ZNF248: variants seen among roughly 807,000 people sequenced by gnomAD.
ZNF248 encodes the protein zinc finger protein 248, also known as KRAB protein domain.
A neutral mutation model predicts 44.3 loss-of-function variants in ZNF248; 20 were observed. The observed-to-expected ratio is 0.45, with a 90% CI of 0.32 to 0.66. The LOEUF (loss-of-function observed/expected upper bound fraction) is 0.66. Among genes scored for constraint, ZNF248 ranks in the 30% least tolerant of loss-of-function variants. The pLI, the probability that ZNF248 is intolerant of heterozygous loss-of-function variation, is 0.04. For synonymous variants in ZNF248, 224 were observed against 229.0 expected, an observed-to-expected ratio of 0.98 and a Z score of 0.20; for missense variants, 654 against 677.0, an observed-to-expected ratio of 0.97 and a Z score of 0.38.
intron 6 of ZNF248, among the ~76,000 whole-genome samples, chr10:37,778,293 T>C (rs2046843025): frequency 6.6e-6 from 1 of 152,094 alleles, no homozygotes; most frequent in African/African-American, 2.4e-5. Context: ...CCAGTGATGA[T>C]GAGCATTTTT....
At chr10:37,777,535 CTTT>C (rs368150075) in intron 6 of ZNF248, among the ~76,000 whole-genome samples, 17,984 of 138,140 alleles carry the variant, frequency 0.13, 1,230 homozygotes, top group Admixed American at 0.21. Context: ...GTCTTCGACT[CTTT>C]TTTTTTTTTT....
At chr10:37,793,135 C>T (rs188870773) in intron 6 of ZNF248, among the ~76,000 whole-genome samples, 219 of 152,134 alleles carry the variant, frequency 1.4e-3, no homozygotes, top group Admixed American at 3.9e-3. Context: ...AGATCAAGAC[C>T]GGTTTGGCCA....
At chr10:37,769,334 G>A in the ZNF248 span, among the ~76,000 whole-genome samples, 1 of 152,126 alleles carries the variant, frequency 6.6e-6, no homozygotes, top group Non-Finnish European at 1.5e-5. Flanking sequence ...GAGAATTTTA[G>A]ACCAATATCC....
In ZNF248 at chr10:37,808,850, C is replaced by G. The variant is rs117068643; in HGVS notation, c.330+24175G>C. ...GAATTCACCAAGGAAGGCATCACGT[C>G]TGGGGCATTTCTTTGTCAAGAGTTT... On this transcript the variant is annotated intron_variant, in intron 6 of 6. Transcript: ENST00000615949. Among the ~76,000 whole-genome samples the G allele has an allele frequency of 9.4e-3, 1,418 of 151,516 alleles. 8 individuals carry two copies. The highest frequency in any genetic ancestry group is 0.02 in the Middle Eastern group (6 of 294).
At chr10:37,767,652 T>A in the ZNF248 span, among the ~76,000 whole-genome samples, 2 of 152,054 alleles carry the variant, frequency 1.3e-5, no homozygotes, top group African/African-American at 4.8e-5. Context: ...AACAACCAGT[T>A]CCAGCCACTG....
chr10:37,798,119 T>C (rs998587890), intron 6 of ZNF248, among the ~76,000 whole-genome samples: 3 of 152,230 alleles, frequency 2.0e-5, no homozygotes, highest in Non-Finnish European at 4.4e-5. Context: ...TACAATGTAA[T>C]ACAACACAGC....
intron 6 of ZNF248, among the ~76,000 whole-genome samples, chr10:37,808,671 C>A (rs1460398247): frequency 6.6e-6 from 1 of 152,150 alleles, no homozygotes; most frequent in Non-Finnish European, 1.5e-5. Context: ...AGGGATATTA[C>A]TGTGCAGTTT....
At chr10:37,777,271 A>G (rs2046682342) in intron 6 of ZNF248, among the ~76,000 whole-genome samples, 1 of 152,220 alleles carries the variant, frequency 6.6e-6, no homozygotes, top group African/African-American at 2.4e-5. Context: ...TATGTAAAAC[A>G]GCTGAACTTC....
At chr10:37,791,585 G>A (rs1482273944) in intron 6 of ZNF248, 1 of 152,084 alleles carries the variant, frequency 6.6e-6, no homozygotes, top group Admixed American at 6.5e-5. Context: ...CAGGGAAGTG[G>A]GAGACAGATG....
rs377448630 is a variant in ZNF248 at position 37,781,248 on chromosome 10, G to C, written c.331-4673C>G. On this transcript the variant is annotated intron_variant, in intron 6 of 6. Coordinates refer to the ZNF248 transcript ENST00000615949. ...TCTGTTGATGCCAACGATATTCATTGTGAAGGGTCCTTTTCCATGGGAGCC... is the reference window on the plus strand; with the variant it reads ...TCTGTTGATGCCAACGATATTCATTCTGAAGGGTCCTTTTCCATGGGAGCC... Among the ~76,000 whole-genome samples, 15 of 152,268 alleles carry C rather than the reference G, an allele frequency of 9.9e-5. No individual in the cohort carries two copies. The South Asian group carries it at 3.1e-3, about 32-fold the overall frequency.
intron 3 of ZNF248, among the ~76,000 whole-genome samples, chr10:37,846,716 A>C (rs544098343): frequency 2.0e-5 from 3 of 152,296 alleles, no homozygotes; most frequent in East Asian, 3.9e-4. Context: ...TACACAACAC[A>C]ATCTATGATA....
At chr10:37,812,945 G>A (rs564394743) in intron 6 of ZNF248, among the ~76,000 whole-genome samples, 26 of 151,224 alleles carry the variant, frequency 1.7e-4, no homozygotes, top group African/African-American at 6.0e-4. Flanking sequence ...AACTATATCC[G>A]GATGTTGTAT....
chr10:37,857,992 C>G (rs2135163833), upstream of ZNF248: 1 of 152,462 alleles, frequency 6.6e-6, no homozygotes, highest in South Asian at 2.1e-4. Flanking sequence ...TCGCCCAGTG[C>G]TCCGGGGCTC....
intron 6 of ZNF248, among the ~76,000 whole-genome samples, chr10:37,777,456 C>A (rs2046709980): frequency 6.6e-6 from 1 of 152,222 alleles, no homozygotes; most frequent in East Asian, 1.9e-4. Context: ...GGCTTCCAGC[C>A]CAATGCGTCT....
intron 6 of ZNF248, among the ~76,000 whole-genome samples, chr10:37,809,565 A>C (rs1012856283): frequency 2.6e-5 from 4 of 152,256 alleles, no homozygotes; most frequent in African/African-American, 9.6e-5. Context: ...GGCATAAGCC[A>C]CTGCTCCCAG....
chr10:37,766,684 T>C, the ZNF248 span, among the ~76,000 whole-genome samples: 14 of 151,410 alleles, frequency 9.2e-5, no homozygotes, highest in African/African-American at 2.7e-4. Context: ...AAAAACAGAG[T>C]AGAAAAACTG....
chr10:37,771,826 C>T (rs12251570), downstream of ZNF248, among the ~76,000 whole-genome samples: 4,181 of 152,096 alleles, frequency 0.027, 140 homozygotes, highest in African/African-American at 0.082. Context: ...AGATCAATGA[C>T]TAATCATGTC....
chr10:37,808,664 G>T (rs988586128), intron 6 of ZNF248, among the ~76,000 whole-genome samples: 5 of 152,104 alleles, frequency 3.3e-5, no homozygotes, highest in Non-Finnish European at 7.4e-5. Flanking sequence ...GTTCATAAGG[G>T]ATATTACTGT....
the ZNF248 span, among the ~76,000 whole-genome samples, chr10:37,766,497 T>A: frequency 9.2e-5 from 14 of 152,178 alleles, no homozygotes; most frequent in Non-Finnish European, 1.9e-4. Context: ...CCACCACTGC[T>A]GATACCCAGG....
Sources: gnomAD v4.1 joint callset for allele counts (sites outside exome capture counted in the v4.1 genomes callset) on GRCh38, gnomAD v4.1.1 for gene constraint, MANE v1.5 for transcripts, NCBI Gene and HGNC (gene_info 2026-07-23, HGNC 2026-07-21) for gene names.